The following TEP1 variants were observed in gnomAD, a reference collection of about 807,000 sequenced individuals.
TEP1 encodes telomerase associated protein 1.
TEP1 carries 241 observed loss-of-function variants against 306.3 expected under a neutral mutation model. The observed-to-expected ratio is 0.79, with a 90% CI of 0.71 to 0.88. The LOEUF (loss-of-function observed/expected upper bound fraction) is 0.88, where lower values mean the gene tolerates loss of function less well. Among genes scored for constraint, TEP1 ranks in the 40% least tolerant of loss-of-function variants. The probability of loss-of-function intolerance (pLI) is 0.00; values close to 1 mark genes in which losing one functional copy is unlikely to be tolerated. For synonymous variants in TEP1, 1,289 were observed against 1,305.5 expected (o/e 0.99, Z 0.27); for missense variants, 3,051 against 3,276.1 (o/e 0.93, Z 1.68).
rs1174273286 is a variant in TEP1, at chr14:20,381,145, G to C, written c.4648-100C>G. On this transcript the variant is annotated intron_variant, in intron 32 of 54. Transcript: ENST00000262715. The surrounding 1 kb of genome is among the most constrained non-coding windows in gnomAD (Gnocchi z 4.0). ...GATACAGAGATAGGATCTGAGCTGGGACAAAGGACTTGAAGAAGAAGGGCA... is the reference window on the plus strand; with the variant it reads ...GATACAGAGATAGGATCTGAGCTGGCACAAAGGACTTGAAGAAGAAGGGCA... The C allele has an allele frequency of 1.6e-6, 2 of 1,240,022 alleles. No individual in the cohort carries two copies. Among genetic ancestry groups the C allele is most frequent in the East Asian group, 2.3e-5 (1 of 43,034 alleles). 76.8% of individuals were successfully genotyped at this position (1,240,022 alleles called of 1,614,324 possible).
chr14:20,409,902 G>T (rs183789957), intron 1 of TEP1, among the ~76,000 whole-genome samples: 3 of 151,508 alleles, frequency 2.0e-5, no homozygotes, highest in East Asian at 3.9e-4. Context: ...GGCACCTGTA[G>T]TCCCAGCTAC....
intron 11 of TEP1, 78 bp downstream of exon 11, chr14:20,395,781 C>T: frequency 6.5e-7 from 1 of 1,539,174 alleles, no homozygotes; most frequent in African/African-American, 1.4e-5. Flanking sequence ...AAGCAAGAGG[C>T]TAAAAATATT....
chr14:20,400,874 G>A, intron 9 of TEP1, 110 bp downstream of exon 9: 1 of 1,354,240 alleles, frequency 7.4e-7, no homozygotes, highest in Admixed American at 2.3e-5. Flanking sequence ...ACAACAACCA[G>A]GCAAAGTAAT....
chr14:20,395,951 T>C lies in TEP1; in HGVS notation c.1660-2A>G. 6.2e-7 allele frequency: 1 copy of C among 1,613,754 alleles called. No homozygotes were observed. The highest frequency in any genetic ancestry group is 8.5e-7 in the Non-Finnish European group (1 of 1,179,828). ...CTGCCGACTGTGGATCACCGACTTC[T>C]AGAAAGCAAAGGAGGGAGGGGTCAT... On this transcript the variant is annotated splice_acceptor_variant, in intron 10 of 54. Transcript: ENST00000262715. LOFTEE classifies it high-confidence loss of function.
intron 39 of TEP1, 44 bp from the exon 40 acceptor site, chr14:20,377,797 C>A: frequency 6.2e-7 from 1 of 1,605,098 alleles, no homozygotes. Flanking sequence ...CTCCACCACG[C>A]GGTCCTCCTT....
chr14:20,390,651 G>A (rs1877624537), intron 15 of TEP1, 30 bp downstream of exon 15: 2 of 1,602,468 alleles, frequency 1.2e-6, no homozygotes, highest in South Asian at 2.2e-5. Flanking sequence ...TGTGGGGGAG[G>A]GAGAGGGTTT....
At position 20,380,252 on chromosome 14, in the gene TEP1, G is replaced by C; in HGVS notation, c.4986C>G (p.Thr1662=). The C allele has an allele frequency of 1.3e-5, 21 of 1,613,928 alleles. No homozygotes were observed. The highest frequency in any genetic ancestry group is 1.8e-5 in the Non-Finnish European group (21 of 1,179,924). The change falls in exon 34 of 55, where the codon ACC becomes ACG. Residue 1662 remains threonine (T), a synonymous_variant. Coordinates refer to ENST00000262715, the MANE Select transcript of TEP1 (RefSeq NM_007110.5). ...GGTCTTACCTTTGCTGATTTTTCAT[G>C]GTCCGGGGTTTATTAAGCCATCGTA... ...HTLRWLNKPR[T]MKNQQSSSLS...
intron 23 of TEP1, 36 bp downstream of exon 23, chr14:20,384,355 C>T (rs1032208860): frequency 6.2e-7 from 1 of 1,613,324 alleles, no homozygotes; most frequent in Non-Finnish European, 8.5e-7. Context: ...CCCCATGTCC[C>T]TCTCCATGCC....
chr14:20,369,419 A>G lies in TEP1; in HGVS notation c.7581T>C (p.Ser2527=). ...TGGCATCACTATCCATGCTGGCATC[A>G]GATTCCCTGCAGGTAGATGGGTCTG... ...PGTDPSTCRE[S]DASMDSDASM... is the part of the protein sequence containing the mutation. Residue 2527 remains serine (S), a synonymous_variant, in exon 53 of 55, where the codon TCT becomes TCC. Coordinates refer to ENST00000262715, the MANE Select transcript of TEP1 (RefSeq NM_007110.5). The G allele has an allele frequency of 2.5e-6, 4 of 1,614,220 alleles. No homozygotes were observed.
intron 47 of TEP1, 48 bp downstream of exon 47, chr14:20,373,222 T>A (rs374124192): frequency 2.5e-6 from 4 of 1,611,164 alleles, no homozygotes; most frequent in Admixed American, 3.3e-5. Context: ...ACCCTTGACC[T>A]TTTTTTGTGC....
At chr14:20,369,918 AT>A (rs57797321) in intron 51 of TEP1, 139 bp from the exon 52 acceptor site, 14,436 of 501,274 alleles carry the variant, frequency 0.029, no homozygotes, top group East Asian at 0.035. Context: ...AAGTGCGCAA[AT>A]TTTTTTTTTT....
At chr14:20,398,757 GT>G (rs1378965841) in intron 9 of TEP1, among the ~76,000 whole-genome samples, 3 of 152,136 alleles carry the variant, frequency 2.0e-5, no homozygotes, top group Non-Finnish European at 4.4e-5. Context: ...CGGTCAGTCC[GT>G]CACCATGCCT....
In TEP1 at chr14:20,408,350, G is replaced by A; in HGVS notation, c.90C>T (p.Pro30=). The A allele has an allele frequency of 6.2e-7, 1 of 1,614,022 alleles. No homozygotes were observed. The highest frequency in any genetic ancestry group is 8.5e-7 in the Non-Finnish European group (1 of 1,180,024). Residue 30 remains proline, a synonymous_variant, in exon 2 of 55, where the codon CCC becomes CCT. Transcript: ENST00000262715. ...ATACATGCTGATGTAGTTTCTCCAAGGGCTGTAAGTCAGGGAGCATAGCCA... is the reference window on the plus strand; with the variant it reads ...ATACATGCTGATGTAGTTTCTCCAAAGGCTGTAAGTCAGGGAGCATAGCCA... ...RCLAMLPDLQ[P]LEKLHQHVST...
In TEP1 at chr14:20,368,681, A is replaced by G. The variant is rs978913335; in HGVS notation, c.7761+117T>C. 8.4e-6 allele frequency: 13 copies of G among 1,540,422 alleles called. No homozygotes were observed. The African/African-American group carries it at 1.4e-4, about 16-fold the overall frequency. On this transcript the variant is annotated intron_variant, in intron 54 of 54. Transcript: ENST00000262715. The stretch of plus-strand genomic sequence containing the variant: ...GTCATACATTGCAAGTGATTGAAGA[A>G]AACAGAATTTTGATCTTTTGCCCTT...
At chr14:20,401,631 G>T (rs1384078479) in intron 7 of TEP1, 50 bp from the exon 8 acceptor site, 1 of 1,602,848 alleles carries the variant, frequency 6.2e-7, no homozygotes, top group Admixed American at 1.7e-5. Context: ...CCATGACCAT[G>T]GGAACTTTCT....
intron 27 of TEP1, 125 bp downstream of exon 27, chr14:20,383,049 G>T: frequency 8.7e-7 from 1 of 1,145,526 alleles, no homozygotes; most frequent in Non-Finnish European, 1.2e-6. Context: ...AACTTCCCAT[G>T]GACAGAATTT....
chr14:20,409,465 C>T (rs1209052772), intron 1 of TEP1, among the ~76,000 whole-genome samples: 1 of 152,200 alleles, frequency 6.6e-6, no homozygotes, highest in Non-Finnish European at 1.5e-5. Flanking sequence ...CCCTTCTGAG[C>T]TTCATATTCA....
Position 20,373,404 on chromosome 14 carries a change from T to G in TEP1, c.6682-2A>C, listed in dbSNP as rs1187013322. On this transcript the variant is annotated splice_acceptor_variant, in intron 46 of 54. Coordinates refer to ENST00000262715, the MANE Select transcript of TEP1 (RefSeq NM_007110.5). LOFTEE classifies it high-confidence loss of function. ...CAGGAGGGTGTGGGTTTGGCACACCTAGGAGGAAGGGATGGAGATGGGCTC... is the reference window on the plus strand; with the variant it reads ...CAGGAGGGTGTGGGTTTGGCACACCGAGGAGGAAGGGATGGAGATGGGCTC... 1 of 1,614,056 alleles carries G rather than the reference T, an allele frequency of 6.2e-7. No individual in the cohort carries two copies. Among genetic ancestry groups the G allele is most frequent in the South Asian group, 1.1e-5 (1 of 91,080 alleles).
chr14:20,400,209 T>C (rs1878559223), intron 9 of TEP1, among the ~76,000 whole-genome samples: 1 of 146,512 alleles, frequency 6.8e-6, no homozygotes, highest in African/African-American at 2.5e-5. Flanking sequence ...TTTATTCTAC[T>C]CCACCCCAAG....
Sources: gnomAD v4.1 joint callset for allele counts (sites outside exome capture counted in the v4.1 genomes callset) on GRCh38, gnomAD v4.1.1 for gene constraint, Gnocchi (gnomAD v3.1) non-coding constraint, MANE v1.5 for transcripts, NCBI Gene and HGNC (gene_info 2026-07-23, HGNC 2026-07-21) for gene names.